The following USP43 variants were observed in gnomAD, a reference collection of about 807,000 sequenced individuals.
The protein encoded by USP43 is ubiquitin carboxyl-terminal hydrolase 43.
Under a neutral mutation model 90.7 loss-of-function variants are expected in USP43, and 33 were observed. The ratio of observed to expected loss-of-function variants is 0.36; its 90% CI spans 0.28 to 0.49. The LOEUF is 0.49. Ranked by LOEUF, USP43 falls within the 20% of genes least tolerant of loss-of-function variation. USP43 has a pLI of 0.98. For synonymous variants in USP43, 598 were observed against 615.8 expected (o/e 0.97, Z 0.43); for missense variants, 1,274 against 1,476.4 (o/e 0.86, Z 2.25).
intron 8 of USP43, among the ~76,000 whole-genome samples, chr17:9,689,475 G>A (rs1308440812): frequency 6.6e-6 from 1 of 151,720 alleles, no homozygotes; most frequent in Non-Finnish European, 1.5e-5. Context: ...GTGGTGGTGT[G>A]ATCATAGCTC....
At chr17:9,691,745 T>A (rs925417617) in intron 8 of USP43, among the ~76,000 whole-genome samples, 2 of 151,080 alleles carry the variant, frequency 1.3e-5, no homozygotes, top group African/African-American at 4.9e-5. Flanking sequence ...ATGCTTGTTA[T>A]TTTCCATTAA....
At chr17:9,706,706 C>T (rs1225775621) in intron 12 of USP43, among the ~76,000 whole-genome samples, 7 of 134,778 alleles carry the variant, frequency 5.2e-5, no homozygotes, top group African/African-American at 1.1e-4. Context: ...TGCAATTGCA[C>T]GATATCGGCT....
chr17:9,683,532 A>G (rs983795531), intron 7 of USP43, among the ~76,000 whole-genome samples: 89 of 152,184 alleles, frequency 5.8e-4, no homozygotes, highest in Admixed American at 3.3e-3. Context: ...ATTATTAATT[A>G]GCTCAGCTTT....
intron 14 of USP43, among the ~76,000 whole-genome samples, chr17:9,721,754 G>T (rs558091507): frequency 7.5e-6 from 1 of 133,366 alleles, no homozygotes; most frequent in African/African-American, 2.9e-5. Flanking sequence ...ACCGAGTTTC[G>T]CTCTTGTTGC....
At chr17:9,715,626 GTGTGTGTGTTTCT>G (rs1418924479) in intron 14 of USP43, among the ~76,000 whole-genome samples, 1 of 140,530 alleles carries the variant, frequency 7.1e-6, no homozygotes, top group African/African-American at 2.7e-5. Flanking sequence ...GTGTATGTCT[GTGTGTGTGTTTCT>G]TGTGTGTGTG....
At position 9,701,270 on chromosome 17, in the gene USP43, C is replaced by T. The variant is rs538826060; in HGVS notation, c.1662+25C>T. The T allele has an allele frequency of 1.4e-4, 232 of 1,602,030 alleles. No individual in the cohort carries two copies. The highest frequency in any genetic ancestry group is 1.0e-3 in the Middle Eastern group (6 of 6,022). On this transcript the variant is annotated intron_variant, in intron 11 of 14. Coordinates refer to ENST00000285199, the MANE Select transcript of USP43 (RefSeq NM_153210.5). The surrounding 1 kb of genome is among the most constrained non-coding windows in gnomAD (Gnocchi z 7.2). ...GGTCCCGCCCTGGGGGTCCATGCCCCGGCCGGGAAGGGGGCTGGCTGCCTT... is the reference window on the plus strand; with the variant it reads ...GGTCCCGCCCTGGGGGTCCATGCCCTGGCCGGGAAGGGGGCTGGCTGCCTT...
chr17:9,697,564 T>TATAA (rs1019866994), intron 9 of USP43, among the ~76,000 whole-genome samples: 1 of 152,234 alleles, frequency 6.6e-6, no homozygotes, highest in African/African-American at 2.4e-5. Flanking sequence ...AGCTCTCACT[T>TATAA]ATAAATGAGG....
intron 8 of USP43, among the ~76,000 whole-genome samples, chr17:9,690,183 C>T (rs1914854522): frequency 6.6e-6 from 1 of 152,194 alleles, no homozygotes; most frequent in East Asian, 1.9e-4. Context: ...TCGGGTCATT[C>T]TGTCCTACCA....
intron 14 of USP43, among the ~76,000 whole-genome samples, chr17:9,717,665 G>A (rs1283751556): frequency 6.6e-6 from 1 of 151,928 alleles, no homozygotes; most frequent in Non-Finnish European, 1.5e-5. Context: ...CACGGTCTCA[G>A]TGTGAGTGCG....
intron 14 of USP43, among the ~76,000 whole-genome samples, chr17:9,726,328 CAG>C (rs1005841463): frequency 6.6e-6 from 1 of 152,228 alleles, no homozygotes; most frequent in Non-Finnish European, 1.5e-5. Flanking sequence ...GTGCCGCTGA[CAG>C]GGGGCTTTTT....
intron 1 of USP43, among the ~76,000 whole-genome samples, chr17:9,646,869 C>T (rs150953561): frequency 4.2e-4 from 64 of 152,072 alleles, no homozygotes; most frequent in African/African-American, 1.4e-3. Context: ...ATTCAATCCC[C>T]TACAATGTAT....
chr17:9,721,499 A>G (rs545544089), intron 14 of USP43, among the ~76,000 whole-genome samples: 17 of 152,276 alleles, frequency 1.1e-4, no homozygotes, highest in African/African-American at 3.6e-4. Context: ...AAGGTCACAC[A>G]TTAGTCCCTT....
rs774699962 is a variant in USP43 at position 9,709,940 on chromosome 17, G to C, written c.2012-16G>C. On this transcript the variant is annotated splice_polypyrimidine_tract_variant and intron_variant, in intron 12 of 14. Coordinates refer to ENST00000285199, the MANE Select transcript of USP43 (RefSeq NM_153210.5). This position sits in a 1 kb window ranked among gnomAD's most constrained non-coding sequence, Gnocchi z 5.0. ...GGGGCTCCAATAACTCAGACTTGGG[G>C]ATGGGACCTTTGCAGCCTACTGCCG... The C allele has an allele frequency of 1.4e-6, 2 of 1,412,752 alleles. No individual in the cohort carries two copies. Among genetic ancestry groups the C allele is most frequent in the East Asian group, 5.4e-5 (2 of 37,180 alleles). 87.5% of individuals were successfully genotyped at this position (1,412,752 alleles called of 1,614,324 possible).
At chr17:9,690,180 A>C (rs1914854310) in intron 8 of USP43, among the ~76,000 whole-genome samples, 2 of 152,156 alleles carry the variant, frequency 1.3e-5, no homozygotes, top group African/African-American at 2.4e-5. Flanking sequence ...GTTTCGGGTC[A>C]TTCTGTCCTA....
chr17:9,672,502 C>G (rs769892994), intron 3 of USP43, among the ~76,000 whole-genome samples: 1 of 152,216 alleles, frequency 6.6e-6, no homozygotes. Flanking sequence ...GAAAAACATT[C>G]TCTCTCATTG....
intron 6 of USP43, among the ~76,000 whole-genome samples, chr17:9,681,317 TAA>T (rs1914214224): frequency 9.3e-6 from 1 of 108,034 alleles, no homozygotes; most frequent in African/African-American, 3.6e-5. Context: ...TAAATATATA[TAA>T]ATATATATAT....
At chr17:9,655,245 C>T (rs897740851) in intron 1 of USP43, among the ~76,000 whole-genome samples, 2 of 152,170 alleles carry the variant, frequency 1.3e-5, no homozygotes, top group African/African-American at 4.8e-5. Context: ...GCTCTGCAGT[C>T]TAAGAGTGGG....
chr17:9,649,746 A>T (rs1911730811), intron 1 of USP43, among the ~76,000 whole-genome samples: 1 of 151,928 alleles, frequency 6.6e-6, no homozygotes, highest in African/African-American at 2.4e-5. Flanking sequence ...CCCTAGAGAT[A>T]ACCATTGTAA....
At chr17:9,650,371 G>T (rs963538729) in intron 1 of USP43, among the ~76,000 whole-genome samples, 3 of 152,126 alleles carry the variant, frequency 2.0e-5, no homozygotes, top group African/African-American at 7.2e-5. Context: ...AACCTGTGTA[G>T]TCACCATCTT....
Sources: allele counts gnomAD v4.1 joint callset (sites outside exome capture counted in the v4.1 genomes callset), GRCh38; gene constraint gnomAD v4.1.1; non-coding constraint Gnocchi (gnomAD v3.1); transcripts MANE v1.5; gene names NCBI Gene and HGNC (gene_info 2026-07-23, HGNC 2026-07-21).